The following CARMIL1 variants were observed in gnomAD, a reference collection of about 807,000 sequenced individuals.
CARMIL1 encodes the protein capping protein regulator and myosin 1 linker 1.
Under a neutral mutation model 177.1 loss-of-function variants are expected in CARMIL1, and 90 were observed. The observed-to-expected ratio is 0.51, with a 90% CI of 0.43 to 0.61. The LOEUF is 0.61. Ranked by LOEUF, CARMIL1 falls within the 20% of genes least tolerant of loss-of-function variation. CARMIL1 has a pLI of 0.00. For missense variants in CARMIL1, 1,380 were observed against 1,667.0 expected (o/e 0.83, Z 3.00); for synonymous variants, 577 against 606.2 (o/e 0.95, Z 0.71).
intron 2 of CARMIL1, among the ~76,000 whole-genome samples, chr6:25,297,682 A>T (rs192204255): frequency 3.2e-4 from 48 of 152,290 alleles, no homozygotes; most frequent in Admixed American, 9.2e-4. Flanking sequence ...TTCTGCAGAG[A>T]TTTAATGAAA....
intron 17 of CARMIL1, among the ~76,000 whole-genome samples, chr6:25,501,557 ATC>A (rs1270536085): frequency 2.6e-5 from 4 of 152,156 alleles, no homozygotes; most frequent in Non-Finnish European, 5.9e-5. Flanking sequence ...CTGTTTTTCT[ATC>A]TGTCTGCCAA....
intron 2 of CARMIL1, among the ~76,000 whole-genome samples, chr6:25,352,240 C>G (rs974381698): frequency 3.3e-5 from 5 of 151,534 alleles, no homozygotes; most frequent in African/African-American, 1.2e-4. Flanking sequence ...TGGGAGCAGT[C>G]ACAAAAACCA....
rs757153569 is a variant in CARMIL1 at position 25,472,438 on chromosome 6, A to G, written c.791A>G (p.Gln264Arg). 6.4e-7 allele frequency: 1 copy of G among 1,574,430 alleles called. No homozygotes were observed. Among genetic ancestry groups the G allele is most frequent in the Non-Finnish European group, 8.6e-7 (1 of 1,158,958 alleles). Residue 264 changes from glutamine to arginine, a missense_variant, in exon 11 of 37, where the codon CAA becomes CGA. Coordinates refer to ENST00000329474, the MANE Select transcript of CARMIL1 (RefSeq NM_017640.6). ...ENAGLRTDFA[Q>R]KLASALAHNP... ...TTGTTTACACGCAGAGATTTTGCAC[A>G]AAAACTGGCCAGTGCTCTAGCACAT...
intron 2 of CARMIL1, among the ~76,000 whole-genome samples, chr6:25,408,320 C>T (rs191039233): frequency 1.4e-4 from 21 of 146,262 alleles, no homozygotes; most frequent in Middle Eastern, 7.0e-3. Context: ...AAAAAGATTT[C>T]GGGCAGAGAG....
chr6:25,316,273 A>T (rs2143022), intron 2 of CARMIL1, among the ~76,000 whole-genome samples: 1 of 151,850 alleles, frequency 6.6e-6, no homozygotes, highest in African/African-American at 2.4e-5. Context: ...GAGTGGGCAC[A>T]GGCGCAGCAC....
At chr6:25,420,298 T>C in intron 3 of CARMIL1, 134 bp downstream of exon 3, 1 of 812,146 alleles carries the variant, frequency 1.2e-6, no homozygotes, top group Non-Finnish European at 2.1e-6. Flanking sequence ...CACACCTCAC[T>C]TACATAGACT....
At chr6:25,580,210 TTCCC>T (rs963334520) in intron 29 of CARMIL1, among the ~76,000 whole-genome samples, 3 of 152,218 alleles carry the variant, frequency 2.0e-5, no homozygotes, top group African/African-American at 7.2e-5. Flanking sequence ...ATGACAAAGC[TTCCC>T]TCCGTCTTTG....
intron 4 of CARMIL1, chr6:25,433,077 C>T (rs1796952512): frequency 6.6e-6 from 1 of 152,046 alleles, no homozygotes; most frequent in South Asian, 2.1e-4. Context: ...TTGGTTTCAC[C>T]TCCATCACTT....
At chr6:25,435,986 G>C (rs1210822957) in intron 5 of CARMIL1, among the ~76,000 whole-genome samples, 2 of 152,200 alleles carry the variant, frequency 1.3e-5, no homozygotes. Context: ...GATGAAGAGA[G>C]AGACAGTGCT....
chr6:25,313,459 A>G (rs1451786561), intron 2 of CARMIL1, among the ~76,000 whole-genome samples: 4 of 152,070 alleles, frequency 2.6e-5, no homozygotes, highest in Admixed American at 2.6e-4. Flanking sequence ...TTGTGCCAGT[A>G]TAGATTTGGT....
intron 2 of CARMIL1, among the ~76,000 whole-genome samples, chr6:25,327,276 A>G (rs756533070): frequency 6.6e-5 from 10 of 152,224 alleles, no homozygotes; most frequent in Non-Finnish European, 1.2e-4. Flanking sequence ...AAGAACGGCC[A>G]GGGAGAGAAG....
chr6:25,313,173 C>T (rs1403132509), intron 2 of CARMIL1, among the ~76,000 whole-genome samples: 2 of 151,700 alleles, frequency 1.3e-5, no homozygotes, highest in Non-Finnish European at 2.9e-5. Flanking sequence ...ACATAGTAAA[C>T]ACAGTTATCT....
intron 26 of CARMIL1, among the ~76,000 whole-genome samples, chr6:25,544,606 T>TACACACACACAC (rs3034120): frequency 3.0e-4 from 43 of 142,512 alleles, no homozygotes; most frequent in African/African-American, 7.7e-4. Flanking sequence ...GTTACTAGAC[T>TACACACACACAC]ACACACACAC....
At chr6:25,394,180 A>G (rs1010778503) in intron 2 of CARMIL1, among the ~76,000 whole-genome samples, 2 of 152,208 alleles carry the variant, frequency 1.3e-5, no homozygotes, top group Admixed American at 6.5e-5. Context: ...GATGCATGAT[A>G]GTTATTTTCC....
chr6:25,470,514 T>C (rs1404583713), intron 9 of CARMIL1, among the ~76,000 whole-genome samples: 1 of 152,258 alleles, frequency 6.6e-6, no homozygotes, highest in Non-Finnish European at 1.5e-5. Flanking sequence ...TATGTATGCA[T>C]AGCACTACCA....
intron 2 of CARMIL1, among the ~76,000 whole-genome samples, chr6:25,337,628 A>G (rs1786400790): frequency 6.6e-6 from 1 of 152,204 alleles, no homozygotes; most frequent in Non-Finnish European, 1.5e-5. Context: ...GAGAAAACAC[A>G]AGTGTGAAGG....
intron 16 of CARMIL1, among the ~76,000 whole-genome samples, chr6:25,496,113 T>G (rs1803678802): frequency 6.6e-6 from 1 of 152,208 alleles, no homozygotes; most frequent in African/African-American, 2.4e-5. Flanking sequence ...CTTTTTTATT[T>G]CTGTTTTGAG....
rs765774909 is a variant in CARMIL1 at position 25,500,072 on chromosome 6, C to A, written c.1326-94C>A. ...TTGACCTGTGATTCAGAAAAGGCAG[C>A]CTTCTTTCTCTAGGCTTTATTCAGT... is the stretch of plus-strand genomic sequence containing the variant. On this transcript the variant is annotated intron_variant, in intron 16 of 36. Transcript: ENST00000329474. 30 of 1,082,678 alleles carry A rather than the reference C, an allele frequency of 2.8e-5. No homozygotes were observed. The South Asian group carries it at 3.3e-4, about 12-fold the overall frequency. The allele number at this position is 1,082,678 out of a possible 1,614,324, so 67.1% of individuals were successfully genotyped here.
At chr6:25,523,809 A>T (rs941056668) in intron 23 of CARMIL1, among the ~76,000 whole-genome samples, 30 of 152,230 alleles carry the variant, frequency 2.0e-4, no homozygotes, top group Non-Finnish European at 4.0e-4. Flanking sequence ...CATAGCCAAG[A>T]TCAGCTTGCC....
Sources: allele counts gnomAD v4.1 joint callset (sites outside exome capture counted in the v4.1 genomes callset), GRCh38; gene constraint gnomAD v4.1.1; transcripts MANE v1.5; gene names NCBI Gene and HGNC (gene_info 2026-07-23, HGNC 2026-07-21).